Variants in PPP4R3A observed in about 807,000 individuals in gnomAD.
The protein encoded by PPP4R3A is protein phosphatase 4 regulatory subunit 3A, also known as serine/threonine-protein phosphatase 4 regulatory subunit 3A.
In PPP4R3A, 15 loss-of-function variants were observed where a neutral mutation model predicts 91.7. The observed-to-expected ratio is 0.16, with a 90% CI of 0.11 to 0.25. The LOEUF is 0.25. Among genes scored for constraint, PPP4R3A ranks in the 10% least tolerant of loss-of-function variants. The pLI, the probability that PPP4R3A is intolerant of heterozygous loss-of-function variation, is 1.00. For missense variants in PPP4R3A, 623 were observed against 998.4 expected (o/e 0.62, Z 5.07); for synonymous variants, 377 against 348.7 (o/e 1.08, Z -0.91).
chr14:91,473,845 T>A (rs1888997241), intron 7 of PPP4R3A, among the ~76,000 whole-genome samples: 1 of 113,392 alleles, frequency 8.8e-6, no homozygotes, highest in Non-Finnish European at 1.9e-5. Context: ...GATCTCGTCT[T>A]ACTAACCTCC....
At chr14:91,475,767 C>T in intron 7 of PPP4R3A, 44 bp downstream of exon 7, 1 of 1,531,958 alleles carries the variant, frequency 6.5e-7, no homozygotes, top group South Asian at 1.2e-5. Context: ...ACAGTTATAG[C>T]TTCCTATGTA....
chr14:91,509,757 G>T lies in PPP4R3A; in HGVS notation c.-110C>A. On this transcript the variant is annotated 5_prime_UTR_variant, in exon 1 of 15. Transcript: ENST00000554943. ...GGCGCCCGCGAGCGGAGGGCTCCCC[G>T]GCCTCACTGCCGCCGCTGGGCGCCG... The T allele has an allele frequency of 7.6e-7, 1 of 1,316,922 alleles. No homozygotes were observed. The highest frequency in any genetic ancestry group is 9.6e-7 in the Non-Finnish European group (1 of 1,038,914). 81.6% of individuals were successfully genotyped at this position (1,316,922 alleles called of 1,614,324 possible).
At chr14:91,490,900 AT>A (rs36126220) in intron 1 of PPP4R3A, 98 bp from the exon 2 acceptor site, 57,892 of 277,906 alleles carry the variant, frequency 0.21, 2,600 homozygotes, top group Non-Finnish European at 0.26. Flanking sequence ...AATAATAATA[AT>A]TTTTTTTTTT....
chr14:91,496,111 CAA>C (rs1206068124), intron 1 of PPP4R3A, among the ~76,000 whole-genome samples: 1 of 152,116 alleles, frequency 6.6e-6, no homozygotes, highest in East Asian at 1.9e-4. Context: ...ACAAAGCTCA[CAA>C]AGTGGCAAAA....
intron 4 of PPP4R3A, among the ~76,000 whole-genome samples, chr14:91,478,704 G>T: frequency 6.6e-6 from 1 of 151,876 alleles, no homozygotes; most frequent in East Asian, 1.9e-4. Context: ...CTAAAGAAAA[G>T]GATCAGGAGA....
At chr14:91,483,025 A>G (rs1889667449) in intron 3 of PPP4R3A, among the ~76,000 whole-genome samples, 1 of 152,226 alleles carries the variant, frequency 6.6e-6, no homozygotes, top group African/African-American at 2.4e-5. Context: ...AGGAGCCTGA[A>G]AATCTGTCAT....
chr14:91,499,578 T>C (rs1890806389), intron 1 of PPP4R3A, among the ~76,000 whole-genome samples: 1 of 151,446 alleles, frequency 6.6e-6, no homozygotes, highest in Admixed American at 6.6e-5. Context: ...AGAAAAAATA[T>C]AAGAAAGGCC....
chr14:91,501,380 A>G (rs1489270671), intron 1 of PPP4R3A, among the ~76,000 whole-genome samples: 1 of 152,232 alleles, frequency 6.6e-6, no homozygotes, highest in Non-Finnish European at 1.5e-5. Context: ...CCTTATCAAT[A>G]TTCAAGGCTT....
chr14:91,477,110 CTT>C (rs66932962), intron 4 of PPP4R3A, 124 bp from the exon 5 acceptor site: 4,650 of 425,160 alleles, frequency 0.011, no homozygotes, highest in South Asian at 0.014. Flanking sequence ...GCAATGCTGT[CTT>C]TTTTTTTTTT....
chr14:91,467,107 C>A (rs572749829), intron 10 of PPP4R3A, among the ~76,000 whole-genome samples: 1 of 152,208 alleles, frequency 6.6e-6, no homozygotes, highest in Non-Finnish European at 1.5e-5. Flanking sequence ...GAAGGAGGTT[C>A]TAGTGGTCTT....
chr14:91,465,033 T>C (rs1038148497), intron 11 of PPP4R3A, among the ~76,000 whole-genome samples: 13 of 152,142 alleles, frequency 8.5e-5, no homozygotes, highest in African/African-American at 3.1e-4. Context: ...TATGGACCGG[T>C]CCGCGGCCAA....
intron 1 of PPP4R3A, among the ~76,000 whole-genome samples, chr14:91,497,278 A>G (rs2140148868): frequency 6.6e-6 from 1 of 152,174 alleles, no homozygotes; most frequent in South Asian, 2.1e-4. Context: ...AACTCATTTG[A>G]GAAACACATC....
rs752631714 is a variant in PPP4R3A, at chr14:91,461,479, G to A, written c.2293C>T (p.Leu765=). 1 of 1,614,192 alleles carries A rather than the reference G, an allele frequency of 6.2e-7. No individual in the cohort carries two copies. Among genetic ancestry groups the A allele is most frequent in the East Asian group, 2.2e-5 (1 of 44,894 alleles). ...CCAGGTGATCCCGGAGAACCAGGCA[G>A]ATTTGTTGTAGATGACTGGCTGGTG... The part of the protein sequence containing the change: ...NLTSQSSTTN[L]PGSPGSPGSP... The change falls in exon 14 of 15, where the codon CTG becomes TTG. Residue 765 remains leucine, a synonymous_variant. Transcript: ENST00000554943.
At chr14:91,507,089 C>T (rs1001171853) in intron 1 of PPP4R3A, among the ~76,000 whole-genome samples, 10 of 151,728 alleles carry the variant, frequency 6.6e-5, no homozygotes, top group African/African-American at 1.9e-4. Flanking sequence ...GAGGCCGAGG[C>T]GGGTGGATCA....
chr14:91,459,293 A>C (rs969774684), intron 14 of PPP4R3A, among the ~76,000 whole-genome samples: 7 of 151,882 alleles, frequency 4.6e-5, no homozygotes, highest in Non-Finnish European at 8.8e-5. Flanking sequence ...TTTACTAGAG[A>C]CAGGGTTTTG....
Position 91,509,988 on chromosome 14 carries a change from C to T in PPP4R3A, c.-341G>A, listed in dbSNP as rs1363195418. 2 of 990,462 alleles carry T rather than the reference C, an allele frequency of 2.0e-6. No homozygotes were observed. The highest frequency in any genetic ancestry group is 3.5e-5 in the African/African-American group (2 of 57,434). The allele number at this position is 990,462 out of a possible 1,614,324, so 61.4% of individuals were successfully genotyped here. On this transcript the variant is annotated 5_prime_UTR_variant, in exon 1 of 15. Coordinates refer to ENST00000554943, the MANE Select transcript of PPP4R3A (RefSeq NM_001366432.2). ...TCCCGTCACTGCCCTGCTCCCGCCT[C>T]CGCCATGATCTCCGCGAAGCAGCTT...
intron 1 of PPP4R3A, among the ~76,000 whole-genome samples, chr14:91,497,567 A>C (rs1890660796): frequency 6.6e-6 from 1 of 152,232 alleles, no homozygotes; most frequent in East Asian, 1.9e-4. Flanking sequence ...TAGATCTGCC[A>C]CTGTGGAATC....
At chr14:91,487,005 G>T (rs1889930907) in intron 2 of PPP4R3A, among the ~76,000 whole-genome samples, 1 of 151,672 alleles carries the variant, frequency 6.6e-6, no homozygotes, top group South Asian at 2.1e-4. Flanking sequence ...ACAGCACTTT[G>T]GGAGGCCAAG....
intron 1 of PPP4R3A, among the ~76,000 whole-genome samples, chr14:91,501,149 T>C (rs938356628): frequency 2.6e-5 from 4 of 152,228 alleles, no homozygotes; most frequent in East Asian, 1.9e-4. Flanking sequence ...CGAGATAGTA[T>C]AGAGAATTCC....
Sources: allele counts gnomAD v4.1 joint callset (sites outside exome capture counted in the v4.1 genomes callset), GRCh38; gene constraint gnomAD v4.1.1; transcripts MANE v1.5; gene names NCBI Gene and HGNC (gene_info 2026-07-23, HGNC 2026-07-21).